The following SPP2 variants were observed in gnomAD, a reference collection of about 807,000 sequenced individuals.
The protein encoded by SPP2 is secreted phosphoprotein 24.
Under a neutral mutation model 28.8 loss-of-function variants are expected in SPP2, and 34 were observed. The observed-to-expected ratio is 1.18, with a 90% CI of 0.90 to 1.57. SPP2 has a LOEUF of 1.57. SPP2 is among the 40% of genes most tolerant of loss of function. SPP2 has a pLI of 0.00. For synonymous variants in SPP2, 96 were observed against 89.4 expected (o/e 1.07, Z -0.42); for missense variants, 269 against 263.9 (o/e 1.02, Z -0.13).
chr2:234,068,891 T>A (rs1693878856), intron 6 of SPP2, among the ~76,000 whole-genome samples: 1 of 152,144 alleles, frequency 6.6e-6, no homozygotes, highest in African/African-American at 2.4e-5. Flanking sequence ...ACCACACACA[T>A]TTATTATCTC....
chr2:234,056,765 A>G (rs1452184593), intron 2 of SPP2, among the ~76,000 whole-genome samples: 1 of 152,156 alleles, frequency 6.6e-6, no homozygotes, highest in Non-Finnish European at 1.5e-5. Flanking sequence ...AATTATAAGT[A>G]TATGAGGTAG....
At chr2:234,053,007 G>C (rs550749704) in intron 2 of SPP2, among the ~76,000 whole-genome samples, 1 of 152,318 alleles carries the variant, frequency 6.6e-6, no homozygotes, top group East Asian at 1.9e-4. Context: ...GGAGAGAGTT[G>C]AGTGAATAGA....
intron 4 of SPP2, among the ~76,000 whole-genome samples, chr2:234,064,007 T>C (rs2125462091): frequency 6.6e-6 from 1 of 152,258 alleles, no homozygotes; most frequent in East Asian, 1.9e-4. Flanking sequence ...CTGGATCACA[T>C]TCCCAGAAAG....
rs776201974 is a variant in SPP2 at position 234,050,956 on chromosome 2, T to C, written c.86-15T>C. Reference sequence around the variant, plus strand: ...GTGTCTTGTCTCACTGTGCCCCATGTGCTTGCGTGTCCAGGTTTCCCAGTG... The same window carrying C: ...GTGTCTTGTCTCACTGTGCCCCATGCGCTTGCGTGTCCAGGTTTCCCAGTG... On this transcript the variant is annotated splice_polypyrimidine_tract_variant and intron_variant, in intron 1 of 7. Transcript: ENST00000168148. 2 of 1,614,038 alleles carry C rather than the reference T, an allele frequency of 1.2e-6. No individual in the cohort carries two copies. Among genetic ancestry groups the C allele is most frequent in the South Asian group, 2.2e-5 (2 of 91,072 alleles).
Position 234,060,398 on chromosome 2 carries a change from G to C in SPP2, c.363G>C (p.Lys121Asn). 6.2e-7 allele frequency: 1 copy of C among 1,614,076 alleles called. No individual in the cohort carries two copies. Among genetic ancestry groups the C allele is most frequent in the Middle Eastern group, 1.6e-4 (1 of 6,062 alleles). ...CAGCTGTTTGCAGAAGCACCGTGAA[G>C]GTATCTGCCCAGCAGGTGCAGGGCG... Reference protein sequence around the residue: ...VSTAVCRSTVKVSAQQVQGVH... With the variant: ...VSTAVCRSTVNVSAQQVQGVH... The change falls in exon 4 of 8, where the codon AAG becomes AAC. Residue 121 changes from lysine to asparagine, a missense_variant. Coordinates refer to ENST00000168148, the MANE Select transcript of SPP2 (RefSeq NM_006944.3).
At chr2:234,064,979 G>T (rs1427100094) in intron 4 of SPP2, among the ~76,000 whole-genome samples, 1 of 152,000 alleles carries the variant, frequency 6.6e-6, no homozygotes, top group Non-Finnish European at 1.5e-5. Context: ...CTCCCTTTTT[G>T]GCTATCATAG....
chr2:234,056,109 C>G (rs933964154), intron 2 of SPP2: 1 of 152,110 alleles, frequency 6.6e-6, no homozygotes, highest in Non-Finnish European at 1.5e-5. Flanking sequence ...GCAAAATAAA[C>G]TACCATCAGA....
intron 4 of SPP2, among the ~76,000 whole-genome samples, chr2:234,065,419 A>G (rs183190872): frequency 6.6e-6 from 1 of 152,258 alleles, no homozygotes; most frequent in East Asian, 1.9e-4. Flanking sequence ...AGCTGGGACT[A>G]CACGTGCGTG....
chr2:234,056,254 C>T lies in SPP2; in HGVS notation c.211-2582C>T, dbSNP rs111345612. On this transcript the variant is annotated intron_variant, in intron 2 of 7. Transcript: ENST00000168148. Reference sequence around the variant, plus strand: ...ACAAACAACCCCATCAACAAGTGGGCGAAGGATATGAACAGACACTTCTCA... The same window carrying T: ...ACAAACAACCCCATCAACAAGTGGGTGAAGGATATGAACAGACACTTCTCA... The T allele has an allele frequency of 6.0e-3, 905 of 152,094 alleles. 7 individuals are homozygous for T. The highest frequency in any genetic ancestry group is 0.02 in the African/African-American group (840 of 41,480). The allele number at this position is 152,094 out of a possible 1,614,324, so 9.4% of individuals were successfully genotyped here.
chr2:234,056,022 G>A (rs926999923), intron 2 of SPP2: 7 of 152,042 alleles, frequency 4.6e-5, no homozygotes, highest in African/African-American at 1.7e-4. Flanking sequence ...TTAACATTAA[G>A]TATATCTCCT....
In SPP2 at chr2:234,050,957, G is replaced by T. The variant is rs200433915; in HGVS notation, c.86-14G>T. The stretch of plus-strand genomic sequence containing the variant: ...TGTCTTGTCTCACTGTGCCCCATGT[G>T]CTTGCGTGTCCAGGTTTCCCAGTGT... On this transcript the variant is annotated splice_polypyrimidine_tract_variant and intron_variant, in intron 1 of 7. Coordinates refer to ENST00000168148, the MANE Select transcript of SPP2 (RefSeq NM_006944.3). The T allele has an allele frequency of 9.3e-6, 15 of 1,613,840 alleles. No individual in the cohort carries two copies. The highest frequency in any genetic ancestry group is 1.3e-5 in the Non-Finnish European group (15 of 1,179,902).
chr2:234,060,330 A>G (rs1477346384), intron 3 of SPP2, 39 bp from the exon 4 acceptor site: 1 of 1,456,234 alleles, frequency 6.9e-7, no homozygotes, highest in South Asian at 1.1e-5. Context: ...CCTTTCCACA[A>G]ACAGCTGAAG....
At chr2:234,055,275 C>T (rs1693583732) in intron 2 of SPP2, among the ~76,000 whole-genome samples, 1 of 152,190 alleles carries the variant, frequency 6.6e-6, no homozygotes, top group Non-Finnish European at 1.5e-5. Context: ...TCAGGGATAA[C>T]TTACAGTTTA....
intron 7 of SPP2, among the ~76,000 whole-genome samples, chr2:234,075,468 T>C (rs1559181146): frequency 6.6e-6 from 1 of 152,272 alleles, no homozygotes; most frequent in South Asian, 2.1e-4. Context: ...TGTCCACCCC[T>C]TCTCCTCCTG....
intron 3 of SPP2, among the ~76,000 whole-genome samples, chr2:234,059,537 AAAACAAAC>A (rs562773040): frequency 3.3e-5 from 5 of 152,252 alleles, no homozygotes; most frequent in East Asian, 3.9e-4. Flanking sequence ...GTTTCTCGGA[AAAACAAAC>A]AAACAAACAA....
At chr2:234,064,868 T>G (rs1391346200) in intron 4 of SPP2, among the ~76,000 whole-genome samples, 2 of 152,238 alleles carry the variant, frequency 1.3e-5, no homozygotes, top group Non-Finnish European at 2.9e-5. Flanking sequence ...GGTTTATCCA[T>G]GTTGTAGCAT....
chr2:234,055,937 A>T (rs1693597767), intron 2 of SPP2: 1 of 151,984 alleles, frequency 6.6e-6, no homozygotes, highest in Non-Finnish European at 1.5e-5. Flanking sequence ...TTTAGGGTAC[A>T]TGTGCACAAC....
At chr2:234,055,602 A>G (rs1234635369) in intron 2 of SPP2, among the ~76,000 whole-genome samples, 2 of 152,214 alleles carry the variant, frequency 1.3e-5, no homozygotes, top group Admixed American at 6.5e-5. Flanking sequence ...AAAAATAAAA[A>G]CCAAAATGTA....
At chr2:234,055,124 T>G (rs563951106) in intron 2 of SPP2, among the ~76,000 whole-genome samples, 2 of 147,742 alleles carry the variant, frequency 1.4e-5, no homozygotes, top group Non-Finnish European at 3.0e-5. Flanking sequence ...CATATATAAA[T>G]GGATGCATAT....
Sources: gnomAD v4.1 joint callset for allele counts (sites outside exome capture counted in the v4.1 genomes callset) on GRCh38, gnomAD v4.1.1 for gene constraint, MANE v1.5 for transcripts, NCBI Gene and HGNC (gene_info 2026-07-23, HGNC 2026-07-21) for gene names.